Variants in ADAMTS6 observed in about 807,000 individuals in gnomAD.
ADAMTS6 encodes ADAM metallopeptidase with thrombospondin type 1 motif 6, also known as A disintegrin and metalloproteinase with thrombospondin motifs 6.
A neutral mutation model predicts 144.3 loss-of-function variants in ADAMTS6; 23 were observed. That is an observed-to-expected ratio of 0.16 (90% CI 0.11 to 0.23). The LOEUF is 0.23. ADAMTS6 is among the 10% of genes least tolerant of loss of function. ADAMTS6 has a pLI of 1.00. For synonymous variants in ADAMTS6, 444 were observed against 457.5 expected, an observed-to-expected ratio of 0.97 and a Z score of 0.38; for missense variants, 999 against 1,379.6, an observed-to-expected ratio of 0.72 and a Z score of 4.37.
At chr5:65,178,338 C>T (rs989054184) in intron 22 of ADAMTS6, among the ~76,000 whole-genome samples, 6 of 152,188 alleles carry the variant, frequency 3.9e-5, no homozygotes, top group African/African-American at 1.2e-4. Flanking sequence ...GGGAATACCA[C>T]ATCAATTTAA....
At chr5:65,431,558 C>T (rs1935020081) in intron 7 of ADAMTS6, among the ~76,000 whole-genome samples, 1 of 152,058 alleles carries the variant, frequency 6.6e-6, no homozygotes, top group South Asian at 2.1e-4. Context: ...ACAAAAAATA[C>T]CAATGTAAAA....
At chr5:65,315,107 CAA>C (rs1561412947) in intron 9 of ADAMTS6, among the ~76,000 whole-genome samples, 5 of 151,772 alleles carry the variant, frequency 3.3e-5, no homozygotes, top group Non-Finnish European at 1.5e-5. Flanking sequence ...ATAATAGTAA[CAA>C]TGTATTAGTT....
intron 20 of ADAMTS6, among the ~76,000 whole-genome samples, chr5:65,201,153 T>C (rs1221793201): frequency 2.0e-5 from 3 of 152,202 alleles, no homozygotes. Flanking sequence ...GCCCATCAAA[T>C]GGCAAATGAG....
intron 7 of ADAMTS6, among the ~76,000 whole-genome samples, chr5:65,367,567 G>A (rs1320457323): frequency 6.6e-6 from 1 of 152,010 alleles, no homozygotes; most frequent in Non-Finnish European, 1.5e-5. Context: ...ATCTCCTAGG[G>A]GCAATTTGCA....
At chr5:65,168,002 C>G (rs1283555258) in intron 24 of ADAMTS6, among the ~76,000 whole-genome samples, 2 of 144,516 alleles carry the variant, frequency 1.4e-5, no homozygotes, top group East Asian at 2.0e-4. Context: ...CTCACCGCTC[C>G]TATTCAACAT....
intron 7 of ADAMTS6, among the ~76,000 whole-genome samples, chr5:65,344,201 G>A (rs1211981848): frequency 1.3e-5 from 2 of 151,788 alleles, no homozygotes; most frequent in African/African-American, 4.8e-5. Flanking sequence ...TGAATAGAGA[G>A]TTTTCACTTC....
At chr5:65,222,282 G>T (rs1757376742) in intron 18 of ADAMTS6, among the ~76,000 whole-genome samples, 1 of 152,134 alleles carries the variant, frequency 6.6e-6, no homozygotes, top group African/African-American at 2.4e-5. Flanking sequence ...CTAGATCAAT[G>T]GGTGAGAACA....
chr5:65,272,025 C>T (rs181405111), intron 12 of ADAMTS6, among the ~76,000 whole-genome samples: 3 of 152,244 alleles, frequency 2.0e-5, no homozygotes, highest in Admixed American at 2.0e-4. Context: ...CATTTCCAAA[C>T]TTAGCATGGA....
chr5:65,355,584 C>T (rs1749241475), intron 7 of ADAMTS6, among the ~76,000 whole-genome samples: 1 of 151,790 alleles, frequency 6.6e-6, no homozygotes, highest in Admixed American at 6.6e-5. Flanking sequence ...GGCACTTAGC[C>T]ACTTAGATTT....
chr5:65,448,648 G>T (rs532556208), intron 7 of ADAMTS6, among the ~76,000 whole-genome samples: 1 of 151,934 alleles, frequency 6.6e-6, no homozygotes, highest in Non-Finnish European at 1.5e-5. Context: ...TAGAGACAGG[G>T]TTTCACCGTG....
At chr5:65,369,519 A>C (rs2150116256) in intron 7 of ADAMTS6, among the ~76,000 whole-genome samples, 1 of 148,762 alleles carries the variant, frequency 6.7e-6, no homozygotes, top group East Asian at 1.9e-4. Flanking sequence ...CTAAACCATT[A>C]ATCACTGTTA....
At chr5:65,332,241 C>T (rs1580417215) in intron 8 of ADAMTS6, among the ~76,000 whole-genome samples, 2 of 146,266 alleles carry the variant, frequency 1.4e-5, no homozygotes, top group East Asian at 4.0e-4. Flanking sequence ...ATGTAAATAA[C>T]CTACCTTCAA....
chr5:65,200,508 G>A (rs777529825), intron 20 of ADAMTS6, among the ~76,000 whole-genome samples: 4 of 152,068 alleles, frequency 2.6e-5, no homozygotes, highest in Admixed American at 6.5e-5. Flanking sequence ...ACGAAACCAC[G>A]ATGCTTTCAA....
intron 24 of ADAMTS6, among the ~76,000 whole-genome samples, chr5:65,165,916 G>A (rs9637767): frequency 0.32 from 44,895 of 138,162 alleles, 7,042 homozygotes; most frequent in Admixed American, 0.42. Flanking sequence ...GGTACCAGCC[G>A]CTGCAAAATC....
chr5:65,302,761 C>G (rs1743565770), intron 9 of ADAMTS6, among the ~76,000 whole-genome samples: 1 of 152,062 alleles, frequency 6.6e-6, no homozygotes, highest in Non-Finnish European at 1.5e-5. Flanking sequence ...CACTATGATT[C>G]TTTTCAAGTA....
In ADAMTS6 at chr5:65,258,524, T is replaced by G. The variant is rs143935743; in HGVS notation, c.1830+2076A>C. 1.9e-3 allele frequency among the ~76,000 whole-genome samples: 291 copies of G among 152,298 alleles called. 2 individuals carry two copies. The highest frequency in any genetic ancestry group is 6.7e-3 in the African/African-American group (279 of 41,576). ...GGTTTTGAGTAAAAGATAATCTGAT[T>G]CACTCTGCCTCCTATATCGAGGACT... On this transcript the variant is annotated intron_variant, in intron 14 of 24. Coordinates refer to ENST00000381055, the MANE Select transcript of ADAMTS6 (RefSeq NM_197941.4).
intron 7 of ADAMTS6, among the ~76,000 whole-genome samples, chr5:65,375,212 T>C (rs746761255): frequency 5.3e-5 from 8 of 152,242 alleles, no homozygotes; most frequent in East Asian, 1.9e-4. Context: ...AAAGGCTTCA[T>C]GTCTAAAACA....
At chr5:65,220,251 C>T (rs1416225439) in intron 18 of ADAMTS6, among the ~76,000 whole-genome samples, 1 of 151,680 alleles carries the variant, frequency 6.6e-6, no homozygotes, top group South Asian at 2.1e-4. Context: ...TCATGAGTCA[C>T]AAGATAAATA....
At chr5:65,412,324 G>A (rs1281504572) in intron 7 of ADAMTS6, among the ~76,000 whole-genome samples, 1 of 152,092 alleles carries the variant, frequency 6.6e-6, no homozygotes, top group Non-Finnish European at 1.5e-5. Context: ...TTCATAGTTA[G>A]TCCTCGGAAG....
Sources: allele counts gnomAD v4.1 joint callset (sites outside exome capture counted in the v4.1 genomes callset), GRCh38; gene constraint gnomAD v4.1.1; transcripts MANE v1.5; gene names NCBI Gene and HGNC (gene_info 2026-07-23, HGNC 2026-07-21).